CACNA1B: variants seen among roughly 807,000 people sequenced by gnomAD.
CACNA1B encodes the protein calcium voltage-gated channel subunit alpha1 B, also known as voltage-dependent N-type calcium channel subunit alpha-1B.
A neutral mutation model predicts 247.2 loss-of-function variants in CACNA1B; 70 were observed. The ratio of observed to expected loss-of-function variants is 0.28; its 90% CI spans 0.23 to 0.35. The LOEUF (loss-of-function observed/expected upper bound fraction) is 0.35, where lower values mean the gene tolerates loss of function less well. CACNA1B is among the 10% of genes least tolerant of loss of function. CACNA1B has a pLI of 1.00. For missense variants in CACNA1B, 2,367 were observed against 3,197.4 expected (o/e 0.74, Z 6.26); for synonymous variants, 1,231 against 1,294.4 (o/e 0.95, Z 1.05).
At chr9:138,119,805 G>A (rs964282518) in intron 44 of CACNA1B, among the ~76,000 whole-genome samples, 11 of 152,160 alleles carry the variant, frequency 7.2e-5, no homozygotes, top group African/African-American at 1.9e-4. Flanking sequence ...GTGTCTTCAC[G>A]GGTCCTGATT....
At chr9:138,026,959 T>C (rs1161204253) in intron 20 of CACNA1B, among the ~76,000 whole-genome samples, 2 of 152,230 alleles carry the variant, frequency 1.3e-5, no homozygotes, top group Non-Finnish European at 2.9e-5. Context: ...TGGATTTGAG[T>C]TATTCTAATT....
At position 138,046,964 on chromosome 9, in the gene CACNA1B, G is replaced by A; in HGVS notation, c.3474G>A (p.Val1158=). The A allele has an allele frequency of 1.2e-6, 2 of 1,613,702 alleles. No homozygotes were observed. The highest frequency in any genetic ancestry group is 1.7e-6 in the Non-Finnish European group (2 of 1,179,630). ...GGTACTTCGAGGTGGTCATTCTCGT[G>A]GTCATCGCCTTGAGCAGCATCGCCC... ...TMRYFEVVIL[V]VIALSSIALA... is the part of the protein sequence containing the mutation. The change falls in exon 22 of 47, where the codon GTG becomes GTA. Residue 1158 remains valine, a synonymous_variant. Transcript: ENST00000371372.
chr9:137,906,456 T>C (rs1957299819), intron 3 of CACNA1B, among the ~76,000 whole-genome samples: 1 of 152,214 alleles, frequency 6.6e-6, no homozygotes, highest in Non-Finnish European at 1.5e-5. Flanking sequence ...CCAGTCTCGG[T>C]CTTGCTGACT....
At chr9:137,968,691 C>T (rs536286085) in intron 10 of CACNA1B, among the ~76,000 whole-genome samples, 3 of 152,210 alleles carry the variant, frequency 2.0e-5, no homozygotes, top group Non-Finnish European at 4.4e-5. Context: ...TTGGTCAGGG[C>T]CTGGCACAAT....
Position 138,052,239 on chromosome 9 carries a change from T to C in CACNA1B, c.3807+51T>C. On this transcript the variant is annotated intron_variant, in intron 25 of 46. Coordinates refer to ENST00000371372, the MANE Select transcript of CACNA1B (RefSeq NM_000718.4). The surrounding 1 kb of genome is among the most constrained non-coding windows in gnomAD (Gnocchi z 5.1). ...GGGATGTGCTGTGTGTGTGTGCGTG[T>C]GTGTGTGTGCGTGTGTGTGTGTGTA... 1.0e-6 allele frequency: 1 copy of C among 953,648 alleles called. No homozygotes were observed. Among genetic ancestry groups the C allele is most frequent in the Non-Finnish European group, 1.6e-6 (1 of 610,148 alleles). The allele number at this position is 953,648 out of a possible 1,614,324, so 59.1% of individuals were successfully genotyped here.
rs1001775608 is a variant in CACNA1B at position 138,102,059 on chromosome 9, C to T, written c.5223-652C>T. On this transcript the variant is annotated intron_variant, in intron 37 of 46. Transcript: ENST00000371372. This position sits in a 1 kb window ranked among gnomAD's most constrained non-coding sequence, Gnocchi z 5.4. ...CCCATTTCCCACCCAGCCCTGAGCC[C>T]CAGCAGCAGCCCTGCCCTGGGCTGG... Among the ~76,000 whole-genome samples the T allele has an allele frequency of 6.6e-6, 1 of 152,216 alleles. No individual in the cohort carries two copies. The highest frequency in any genetic ancestry group is 2.4e-5 in the African/African-American group (1 of 41,466).
At chr9:137,937,075 A>G (rs1181726126) in intron 6 of CACNA1B, among the ~76,000 whole-genome samples, 2 of 152,128 alleles carry the variant, frequency 1.3e-5, no homozygotes, top group Admixed American at 1.3e-4. Flanking sequence ...CTTGGGCAGT[A>G]TGGCCATTTT....
chr9:138,000,463 C>A (rs2133402670), intron 15 of CACNA1B, among the ~76,000 whole-genome samples: 1 of 152,214 alleles, frequency 6.6e-6, no homozygotes, highest in East Asian at 1.9e-4. Flanking sequence ...ATTTTGAAAA[C>A]CTGGACATTT....
At chr9:138,108,712 G>A (rs947767776) in intron 39 of CACNA1B, among the ~76,000 whole-genome samples, 7 of 151,548 alleles carry the variant, frequency 4.6e-5, no homozygotes, top group African/African-American at 7.3e-5. Context: ...GCAGTGGCAC[G>A]ATCTTGGCTC....
intron 24 of CACNA1B, chr9:138,049,941 G>C: frequency 3.9e-6 from 2 of 512,920 alleles, no homozygotes; most frequent in Non-Finnish European, 7.0e-6. Context: ...TGTGGGGTGA[G>C]ATCCAGAGAC....
In CACNA1B at chr9:137,997,796, G is replaced by T. The variant is rs150464028; in HGVS notation, c.1975-8971G>T. Among the ~76,000 whole-genome samples, 457 of 152,292 alleles carry T rather than the reference G, an allele frequency of 3.0e-3. 3 individuals carry two copies. Among genetic ancestry groups the T allele is most frequent in the African/African-American group, 0.011 (441 of 41,558 alleles). On this transcript the variant is annotated intron_variant, in intron 15 of 46. Transcript: ENST00000371372. Reference sequence around the variant, plus strand: ...AATTGGCACGAGCAGTTCCTGCCAGGTATAGTTTTTTGCCCAAGTGCACAA... The same window carrying T: ...AATTGGCACGAGCAGTTCCTGCCAGTTATAGTTTTTTGCCCAAGTGCACAA...
intron 32 of CACNA1B, among the ~76,000 whole-genome samples, chr9:138,070,768 C>T (rs947790700): frequency 6.6e-6 from 1 of 152,246 alleles, no homozygotes; most frequent in Non-Finnish European, 1.5e-5. Context: ...CCCACATTGT[C>T]TGTCCCCTGT....
rs1477937927 is a variant in CACNA1B, at chr9:137,914,064, T to G, written c.623-590T>G. Among the ~76,000 whole-genome samples, 1 of 152,152 alleles carries G rather than the reference T, an allele frequency of 6.6e-6. No homozygotes were observed. Among genetic ancestry groups the G allele is most frequent in the African/African-American group, 2.4e-5 (1 of 41,428 alleles). On this transcript the variant is annotated intron_variant, in intron 4 of 46. Transcript: ENST00000371372. This position sits in a 1 kb window ranked among gnomAD's most constrained non-coding sequence, Gnocchi z 4.3. ...AACATTCCCAGGGGCAGGTCTTTTT[T>G]GCCTCACTTTCTCCCAAGGAGTTGG... is the stretch of plus-strand genomic sequence containing the variant.
chr9:138,071,773 G>A (rs1960142332), intron 32 of CACNA1B, among the ~76,000 whole-genome samples: 1 of 152,078 alleles, frequency 6.6e-6, no homozygotes, highest in African/African-American at 2.4e-5. Context: ...ATTTTCCCCA[G>A]TGTCTTCAGG....
intron 20 of CACNA1B, among the ~76,000 whole-genome samples, chr9:138,036,256 C>T (rs1355797652): frequency 1.3e-5 from 2 of 152,220 alleles, no homozygotes; most frequent in African/African-American, 4.8e-5. Context: ...TCTCCTGCCT[C>T]AGCCTCCCGA....
intron 40 of CACNA1B, among the ~76,000 whole-genome samples, 158 bp downstream of exon 40, chr9:138,112,663 G>A (rs1961682524): frequency 6.6e-6 from 1 of 152,216 alleles, no homozygotes; most frequent in Admixed American, 6.5e-5. Flanking sequence ...CCAACCAAGA[G>A]AGCCCTGGGT....
At chr9:137,908,874 G>A (rs765534373) in intron 3 of CACNA1B, among the ~76,000 whole-genome samples, 21 of 151,762 alleles carry the variant, frequency 1.4e-4, no homozygotes, top group African/African-American at 3.4e-4. Context: ...CTCGTGATCC[G>A]TCCGCCTCGG....
chr9:138,002,378 G>A (rs1958587976), intron 15 of CACNA1B, among the ~76,000 whole-genome samples: 2 of 152,090 alleles, frequency 1.3e-5, no homozygotes, highest in African/African-American at 2.4e-5. Context: ...AAACCTAAAT[G>A]TAAAAAATCA....
rs1564214269 is a variant in CACNA1B at position 137,971,453 on chromosome 9, G to A, written c.1404G>A (p.Glu468=). Residue 468 remains glutamate (E), a synonymous_variant, in exon 11 of 47, where the codon GAG becomes GAA. Transcript: ENST00000371372. The surrounding 1 kb of genome is among the most constrained non-coding windows in gnomAD (Gnocchi z 4.4). ...GCTCGTCATACTTCCGGAGGAAGGA[G>A]AAGATGTTCCGGTTTTTTATCCGGC... is the stretch of plus-strand genomic sequence containing the variant. The part of the protein sequence containing the change: ...TESSSYFRRK[E]KMFRFFIRRM... The A allele has an allele frequency of 6.2e-7, 1 of 1,613,650 alleles. No homozygotes were observed.
Sources: gnomAD v4.1 joint callset for allele counts (sites outside exome capture counted in the v4.1 genomes callset) on GRCh38, gnomAD v4.1.1 for gene constraint, Gnocchi (gnomAD v3.1) non-coding constraint, MANE v1.5 for transcripts, NCBI Gene and HGNC (gene_info 2026-07-23, HGNC 2026-07-21) for gene names.